The following MYO5B variants were observed in gnomAD, a reference collection of about 807,000 sequenced individuals.
MYO5B encodes the protein myosin VB.
A neutral mutation model predicts 229.3 loss-of-function variants in MYO5B; 143 were observed. That is an observed-to-expected ratio of 0.62 (90% CI 0.54 to 0.72). MYO5B has a LOEUF of 0.72. MYO5B is among the 30% of genes least tolerant of loss of function. The pLI, the probability that MYO5B is intolerant of heterozygous loss-of-function variation, is 0.00. For synonymous variants in MYO5B, 918 were observed against 885.2 expected, an observed-to-expected ratio of 1.04 and a Z score of -0.66; for missense variants, 2,321 against 2,331.0, an observed-to-expected ratio of 1.00 and a Z score of 0.09.
intron 12 of MYO5B, among the ~76,000 whole-genome samples, chr18:49,961,733 T>C (rs2025561697): frequency 6.6e-6 from 1 of 152,192 alleles, no homozygotes; most frequent in Non-Finnish European, 1.5e-5. Flanking sequence ...ACCCAGATCC[T>C]CTAAACCTTA....
Position 50,195,147 on chromosome 18 carries a change from T to A in MYO5B, c.-354A>T. ...GACGGCCCGTGCGCCGCCGCGCCTC[T>A]GAGCCCTGCCGGTGCCCGGCCCGAC... On this transcript the variant is annotated 5_prime_UTR_variant, in exon 1 of 40. Transcript: ENST00000285039. 2 of 176,154 alleles carry A rather than the reference T, an allele frequency of 1.1e-5. No homozygotes were observed. Among genetic ancestry groups the A allele is most frequent in the Non-Finnish European group, 2.4e-5 (2 of 84,332 alleles). The allele number at this position is 176,154 out of a possible 1,614,324, so 10.9% of individuals were successfully genotyped here.
At chr18:49,855,346 G>A (rs932721470) in intron 30 of MYO5B, among the ~76,000 whole-genome samples, 4 of 152,172 alleles carry the variant, frequency 2.6e-5, no homozygotes, top group African/African-American at 7.2e-5. Flanking sequence ...AGAGCTTTGA[G>A]GCCACGACCA....
intron 4 of MYO5B, among the ~76,000 whole-genome samples, chr18:50,018,655 G>T (rs1289435702): frequency 6.6e-6 from 1 of 152,164 alleles, no homozygotes; most frequent in African/African-American, 2.4e-5. Flanking sequence ...CAGAGAGCTG[G>T]TATCACTTGC....
intron 4 of MYO5B, among the ~76,000 whole-genome samples, chr18:50,019,895 A>T (rs755823597): frequency 6.6e-6 from 1 of 152,142 alleles, no homozygotes; most frequent in Non-Finnish European, 1.5e-5. Context: ...CTCTTGCATG[A>T]TCTGTCTACT....
At chr18:50,021,184 C>T (rs995115357) in intron 4 of MYO5B, among the ~76,000 whole-genome samples, 6 of 152,224 alleles carry the variant, frequency 3.9e-5, no homozygotes, top group African/African-American at 1.2e-4. Flanking sequence ...TCGGCTCACA[C>T]AGGGCCTCCG....
intron 1 of MYO5B, among the ~76,000 whole-genome samples, chr18:50,106,577 G>A (rs2031764444): frequency 6.6e-6 from 1 of 152,142 alleles, no homozygotes; most frequent in Non-Finnish European, 1.5e-5. Flanking sequence ...TATCCTCCCT[G>A]TGCCTGGAAT....
At chr18:49,862,205 C>T (rs886618075) in intron 29 of MYO5B, among the ~76,000 whole-genome samples, 4 of 152,096 alleles carry the variant, frequency 2.6e-5, no homozygotes, top group Non-Finnish European at 5.9e-5. Flanking sequence ...ACCACATTGG[C>T]CAGGCTGGTC....
At chr18:49,921,713 G>A (rs550926193) in intron 17 of MYO5B, among the ~76,000 whole-genome samples, 1 of 152,214 alleles carries the variant, frequency 6.6e-6, no homozygotes, top group Non-Finnish European at 1.5e-5. Context: ...GGGGAAGGGG[G>A]GTAAGAATTC....
At chr18:49,942,742 T>C (rs1199130832) in intron 14 of MYO5B, among the ~76,000 whole-genome samples, 2 of 151,792 alleles carry the variant, frequency 1.3e-5, no homozygotes, top group East Asian at 1.9e-4. Context: ...TGTGGAGAAA[T>C]AGGAACACTT....
intron 1 of MYO5B, among the ~76,000 whole-genome samples, chr18:50,184,068 G>C (rs1222132444): frequency 6.6e-6 from 1 of 152,164 alleles, no homozygotes; most frequent in Admixed American, 6.5e-5. Context: ...AAATTACCTA[G>C]TCTCGGGTAT....
intron 21 of MYO5B, among the ~76,000 whole-genome samples, chr18:49,901,553 C>T (rs1568023943): frequency 6.6e-6 from 1 of 152,228 alleles, no homozygotes; most frequent in Non-Finnish European, 1.5e-5. Flanking sequence ...GCATACCAGG[C>T]CCTGCATATG....
intron 39 of MYO5B, among the ~76,000 whole-genome samples, chr18:49,829,653 A>G (rs1404177629): frequency 6.6e-6 from 1 of 152,256 alleles, no homozygotes; most frequent in Non-Finnish European, 1.5e-5. Flanking sequence ...TAAGAAAACA[A>G]AACTATATTC....
intron 14 of MYO5B, among the ~76,000 whole-genome samples, chr18:49,945,577 C>T (rs760528930): frequency 6.6e-6 from 1 of 152,156 alleles, no homozygotes; most frequent in Non-Finnish European, 1.5e-5. Flanking sequence ...TTCACCCAAA[C>T]ACATTCCAAC....
In MYO5B at chr18:49,904,836, G is replaced by T. The variant is rs551971891; in HGVS notation, c.2415-8C>A. On this transcript the variant is annotated splice_region_variant and splice_polypyrimidine_tract_variant and intron_variant, in intron 19 of 39. Coordinates refer to ENST00000285039, the MANE Select transcript of MYO5B (RefSeq NM_001080467.3). ...CGCAGGTGCTCAGCCAGCCTGGGGA[G>T]CAAGAGGAAACAGGCAGTGTCAGGG... The T allele has an allele frequency of 2.6e-5, 42 of 1,613,388 alleles. No homozygotes were observed. The South Asian group carries it at 4.2e-4, about 16-fold the overall frequency.
At chr18:50,183,265 GTTTTC>G (rs1283314692) in intron 1 of MYO5B, among the ~76,000 whole-genome samples, 1 of 141,360 alleles carries the variant, frequency 7.1e-6, no homozygotes, top group Non-Finnish European at 1.5e-5. Flanking sequence ...ATTCTAGACT[GTTTTC>G]TTTTCCTTCA....
chr18:50,096,321 C>T (rs191888307), intron 1 of MYO5B, among the ~76,000 whole-genome samples: 1 of 152,160 alleles, frequency 6.6e-6, no homozygotes, highest in Admixed American at 6.5e-5. Flanking sequence ...CTTTCAACAT[C>T]TGCTTCTCAC....
intron 17 of MYO5B, 64 bp from the exon 18 acceptor site, chr18:49,912,237 C>A (rs940870144): frequency 1.6e-5 from 20 of 1,244,160 alleles, no homozygotes; most frequent in Non-Finnish European, 2.0e-5. Context: ...AAAAGCCAGG[C>A]GTGACCTCAG....
At chr18:49,883,443 T>C (rs1442041904) in intron 22 of MYO5B, among the ~76,000 whole-genome samples, 1 of 152,166 alleles carries the variant, frequency 6.6e-6, no homozygotes, top group East Asian at 1.9e-4. Context: ...AAGTATAAAA[T>C]TCATACTCGG....
chr18:50,182,786 C>T (rs2033090875), intron 1 of MYO5B, among the ~76,000 whole-genome samples: 1 of 152,124 alleles, frequency 6.6e-6, no homozygotes, highest in South Asian at 2.1e-4. Context: ...GAAGGTGGCT[C>T]CTTGGTGAGG....
Sources: allele counts gnomAD v4.1 joint callset (sites outside exome capture counted in the v4.1 genomes callset), GRCh38; gene constraint gnomAD v4.1.1; transcripts MANE v1.5; gene names NCBI Gene and HGNC (gene_info 2026-07-23, HGNC 2026-07-21).